Variants in ZNF821 observed in about 807,000 individuals in gnomAD.
The protein encoded by ZNF821 is zinc finger protein 821.
In ZNF821, 16 loss-of-function variants were observed where a neutral mutation model predicts 44.3. The ratio of observed to expected loss-of-function variants is 0.36; its 90% CI spans 0.24 to 0.55. ZNF821 has a LOEUF of 0.55. Among genes scored for constraint, ZNF821 ranks in the 20% least tolerant of loss-of-function variants. The pLI is 0.86. For synonymous variants in ZNF821, 204 were observed against 197.6 expected, an observed-to-expected ratio of 1.03 and a Z score of -0.27; for missense variants, 436 against 547.6, an observed-to-expected ratio of 0.80 and a Z score of 2.03.
intron 7 of ZNF821, among the ~76,000 whole-genome samples, chr16:71,861,491 T>G (rs2033893602): frequency 6.6e-6 from 1 of 152,248 alleles, no homozygotes; most frequent in Non-Finnish European, 1.5e-5. Flanking sequence ...GGGTCCTCTC[T>G]ACCCTATAAC....
chr16:71,860,740 TATTC>T lies in ZNF821; in HGVS notation c.585-72_585-69del. 7.3e-6 allele frequency: 11 copies of T among 1,514,332 alleles called. No individual in the cohort carries two copies. Among genetic ancestry groups the T allele is most frequent in the South Asian group, 5.1e-5 (4 of 78,908 alleles). The allele number at this position is 1,514,332 out of a possible 1,614,324, so 93.8% of individuals were successfully genotyped here. A position where few individuals can be genotyped will look rare whatever the true frequency, so the allele number is the denominator to read the frequency against. On this transcript the variant is annotated intron_variant, in intron 7 of 7. Transcript: ENST00000425432. This position sits in a 1 kb window ranked among gnomAD's most constrained non-coding sequence, Gnocchi z 7.3. The stretch of plus-strand genomic sequence containing the variant: ...AAGAGTCGGGACTCCAGCCCTGCCT[TATTC>T]TTTTCCTATGAGGCCAGTGGCTCCA...
At chr16:71,871,278 T>A (rs1374918007) in intron 3 of ZNF821, among the ~76,000 whole-genome samples, 1 of 152,172 alleles carries the variant, frequency 6.6e-6, no homozygotes, top group Admixed American at 6.5e-5. Flanking sequence ...TATATTTTAG[T>A]CTATTCCTGA....
intron 4 of ZNF821, among the ~76,000 whole-genome samples, chr16:71,866,727 C>T (rs1290473647): frequency 6.6e-6 from 1 of 152,108 alleles, no homozygotes; most frequent in Non-Finnish European, 1.5e-5. Context: ...AAAGTGGTGG[C>T]TTCCATAGGT....
Position 71,861,797 on chromosome 16 carries a change from G to A in ZNF821, c.563C>T (p.Thr188Ile). 1 of 1,614,140 alleles carries A rather than the reference G, an allele frequency of 6.2e-7. No homozygotes were observed. The highest frequency in any genetic ancestry group is 8.5e-7 in the Non-Finnish European group (1 of 1,180,040). The change falls in exon 7 of 8, where the codon ACC (threonine) becomes ATC (isoleucine). Residue 188 changes from threonine (T) to isoleucine (I), a missense_variant. Transcript: ENST00000425432. The stretch of plus-strand genomic sequence containing the variant: ...TGACCTGTTAAAAGTGGCATGGCTG[G>A]TGAACCGGGCTCCACACACAGCACA... Reference protein sequence around the residue: ...SNCAVCGARFTSHATFNSEKL... With the variant: ...SNCAVCGARFISHATFNSEKL...
chr16:71,895,191 C>G (rs1370200668), exon 1 of ZNF821: 1 of 206,946 alleles, frequency 4.8e-6, no homozygotes. Context: ...ATGGAAGAAT[C>G]CGGAACCAAG....
chr16:71,861,005 G>A (rs1282146272), intron 7 of ZNF821, among the ~76,000 whole-genome samples: 2 of 152,062 alleles, frequency 1.3e-5, no homozygotes, highest in Non-Finnish European at 2.9e-5. Context: ...ACAGGCGCAC[G>A]CCACCACGCC....
chr16:71,895,231 GAGT>G (rs2036937405), exon 1 of ZNF821: 1 of 171,076 alleles, frequency 5.8e-6, no homozygotes, highest in Non-Finnish European at 1.3e-5. Flanking sequence ...CGTGGGCGCA[GAGT>G]CCGAGAATCA....
chr16:71,867,651 A>G (rs1597146394), intron 4 of ZNF821, among the ~76,000 whole-genome samples: 1 of 151,632 alleles, frequency 6.6e-6, no homozygotes, highest in Non-Finnish European at 1.5e-5. Context: ...ATGCCAATGC[A>G]CTCCAGCCTG....
intron 1 of ZNF821, chr16:71,894,486 T>C (rs1353600590): frequency 9.9e-6 from 2 of 202,266 alleles, no homozygotes; most frequent in African/African-American, 2.4e-5. Flanking sequence ...CTTCAGGTGA[T>C]ACACCTGCCT....
intron 3 of ZNF821, among the ~76,000 whole-genome samples, chr16:71,868,746 G>GTT (rs370527672): frequency 3.2e-4 from 47 of 145,828 alleles, no homozygotes; most frequent in Admixed American, 1.4e-3. Flanking sequence ...TCTTGGTCCA[G>GTT]TTTTTTTTTT....
At chr16:71,864,077 C>A in intron 6 of ZNF821, 61 bp downstream of exon 6, 1 of 1,460,260 alleles carries the variant, frequency 6.8e-7, no homozygotes, top group South Asian at 1.1e-5. Flanking sequence ...AAACCAGGAT[C>A]TGGGCTACAG....
intron 4 of ZNF821, among the ~76,000 whole-genome samples, chr16:71,866,158 G>C (rs2034519339): frequency 6.6e-6 from 1 of 152,186 alleles, no homozygotes; most frequent in Non-Finnish European, 1.5e-5. Flanking sequence ...ATATAGGGCA[G>C]AGTCTCACCA....
At chr16:71,892,324 G>T (rs1413720631) in intron 1 of ZNF821, among the ~76,000 whole-genome samples, 2 of 149,388 alleles carry the variant, frequency 1.3e-5, no homozygotes, top group East Asian at 2.0e-4. Context: ...TGGAGGGCAG[G>T]GGCGCGATCT....
chr16:71,864,871 T>C (rs1330250157), intron 5 of ZNF821, 32 bp downstream of exon 5: 1 of 1,613,170 alleles, frequency 6.2e-7, no homozygotes, highest in Non-Finnish European at 8.5e-7. Flanking sequence ...AGGGCATTGC[T>C]GGACCTGGAC....
chr16:71,885,430 T>G (rs1211699407), upstream of ZNF821: 1 of 152,266 alleles, frequency 6.6e-6, no homozygotes, highest in Non-Finnish European at 1.5e-5. Context: ...AAATGGATAA[T>G]GATGCAATAA....
chr16:71,864,178 T>C lies in ZNF821; in HGVS notation c.377A>G (p.Asp126Gly). The C allele has an allele frequency of 6.2e-7, 1 of 1,614,198 alleles. No homozygotes were observed. Among genetic ancestry groups the C allele is most frequent in the Non-Finnish European group, 8.5e-7 (1 of 1,180,026 alleles). Residue 126 changes from aspartate to glycine, a missense_variant, in exon 6 of 8, where the codon GAC becomes GGC. Physicochemically the swap from Asp to Gly is moderately conservative, Grantham distance 94. Transcript: ENST00000425432. Reference protein sequence around the residue: ...ELCQCPLCQLDCGSREQLIAH... With the variant: ...ELCQCPLCQLGCGSREQLIAH... ...AATCAACTGCTCCCGGCTCCCGCAGTCTAGCTGGCAGAGGGGACACTGGCA... is the reference window on the plus strand; with the variant it reads ...AATCAACTGCTCCCGGCTCCCGCAGCCTAGCTGGCAGAGGGGACACTGGCA...
At chr16:71,878,674 A>T (rs1158124463) in intron 3 of ZNF821, among the ~76,000 whole-genome samples, 1 of 152,080 alleles carries the variant, frequency 6.6e-6, no homozygotes, top group Non-Finnish European at 1.5e-5. Flanking sequence ...TCATGCCTGT[A>T]ATCCCAGCAC....
chr16:71,870,012 T>A (rs1003027034), intron 3 of ZNF821, among the ~76,000 whole-genome samples: 1 of 152,220 alleles, frequency 6.6e-6, no homozygotes, highest in East Asian at 1.9e-4. Flanking sequence ...ATGGTTTTGC[T>A]GAAAACAAAC....
intron 6 of ZNF821, among the ~76,000 whole-genome samples, chr16:71,862,656 T>C (rs915670004): frequency 6.6e-6 from 1 of 152,196 alleles, no homozygotes; most frequent in African/African-American, 2.4e-5. Flanking sequence ...AATACTGGTA[T>C]GCAACAGGTA....
Sources: allele counts gnomAD v4.1 joint callset (sites outside exome capture counted in the v4.1 genomes callset), GRCh38; gene constraint gnomAD v4.1.1; non-coding constraint Gnocchi (gnomAD v3.1); transcripts MANE v1.5; gene names NCBI Gene and HGNC (gene_info 2026-07-23, HGNC 2026-07-21).